Variants in MTHFD1L observed in about 807,000 individuals in gnomAD.
MTHFD1L encodes the protein methylenetetrahydrofolate dehydrogenase (NADP+ dependent) 1 like.
In MTHFD1L, 81 loss-of-function variants were observed where a neutral mutation model predicts 119.5. That is an observed-to-expected ratio of 0.68 (90% CI 0.57 to 0.82). The LOEUF (loss-of-function observed/expected upper bound fraction) is 0.82. Ranked by LOEUF, MTHFD1L falls within the 40% of genes least tolerant of loss-of-function variation. The pLI is 0.00. For synonymous variants in MTHFD1L, 430 were observed against 475.2 expected (o/e 0.90, Z 1.24); for missense variants, 1,125 against 1,253.4 (o/e 0.90, Z 1.55).
intron 26 of MTHFD1L, among the ~76,000 whole-genome samples, chr6:151,069,251 T>TTCTTTCTCTC (rs1554297593): frequency 4.2e-4 from 57 of 136,682 alleles, no homozygotes; most frequent in African/African-American, 1.5e-3. Context: ...TTCTCTCTCT[T>TTCTTTCTCTC]TCTCTCTCTC....
chr6:150,890,519 C>A (rs572288045), intron 7 of MTHFD1L, among the ~76,000 whole-genome samples: 7 of 152,248 alleles, frequency 4.6e-5, no homozygotes, highest in African/African-American at 1.7e-4. Flanking sequence ...TCTTCTGGAG[C>A]TTGATGACCA....
At chr6:151,029,694 G>A (rs1339282902) in intron 24 of MTHFD1L, among the ~76,000 whole-genome samples, 1 of 152,152 alleles carries the variant, frequency 6.6e-6, no homozygotes, top group Non-Finnish European at 1.5e-5. Flanking sequence ...TACTTGGGAG[G>A]CTGAGGCAGG....
intron 26 of MTHFD1L, among the ~76,000 whole-genome samples, chr6:151,084,982 AAAAT>A (rs67377370): frequency 0.17 from 22,009 of 128,522 alleles, 1,577 homozygotes; most frequent in African/African-American, 0.2. Flanking sequence ...AAAAAAAAAA[AAAAT>A]ATATATATAT....
At chr6:150,948,988 G>A in intron 15 of MTHFD1L, 43 bp from the exon 16 acceptor site, 1 of 1,526,344 alleles carries the variant, frequency 6.6e-7, no homozygotes, top group African/African-American at 1.4e-5. Flanking sequence ...TTTGCTTTCT[G>A]TTTCTTCTCA....
At chr6:150,952,425 G>A (rs1179524922) in intron 16 of MTHFD1L, among the ~76,000 whole-genome samples, 1 of 152,258 alleles carries the variant, frequency 6.6e-6, no homozygotes, top group African/African-American at 2.4e-5. Context: ...GAGCAGGACA[G>A]TCAGGGTGCA....
intron 15 of MTHFD1L, among the ~76,000 whole-genome samples, chr6:150,947,919 A>G (rs905134023): frequency 3.3e-5 from 5 of 152,208 alleles, no homozygotes; most frequent in Non-Finnish European, 5.9e-5. Context: ...CTCGTAGAAG[A>G]AATCTGGCCA....
intron 8 of MTHFD1L, chr6:150,913,044 C>G (rs1787205574): frequency 6.4e-6 from 1 of 156,754 alleles, no homozygotes; most frequent in South Asian, 1.9e-4. Context: ...GAGTCTCGCT[C>G]TGTCATCCAG....
At chr6:151,062,306 C>T (rs1170974064) in intron 26 of MTHFD1L, among the ~76,000 whole-genome samples, 4 of 152,076 alleles carry the variant, frequency 2.6e-5, no homozygotes, top group African/African-American at 9.7e-5. Context: ...GGCTTGGTGG[C>T]GTGCACCTGT....
rs1277170637 is a variant in MTHFD1L at position 151,049,754 on chromosome 6, T to G, written c.2847+12637T>G. ...CTCACAGAACTGAGAGAAACACTTATTTACAGAGGTGTTATGATATATATT... is the reference window on the plus strand; with the variant it reads ...CTCACAGAACTGAGAGAAACACTTAGTTACAGAGGTGTTATGATATATATT... On this transcript the variant is annotated intron_variant, in intron 26 of 27. Transcript: ENST00000367321. Among the ~76,000 whole-genome samples the G allele has an allele frequency of 9.9e-5, 15 of 152,234 alleles. No homozygotes were observed. In the East Asian group the frequency reaches 2.7e-3, roughly 27 times the overall value.
At chr6:151,066,358 A>AC (rs1791254378) in intron 26 of MTHFD1L, among the ~76,000 whole-genome samples, 2 of 143,190 alleles carry the variant, frequency 1.4e-5, no homozygotes, top group South Asian at 2.3e-4. Context: ...AATGGTGTGA[A>AC]CCCAGGAGGC....
chr6:150,963,090 A>G (rs1245632651), intron 18 of MTHFD1L, among the ~76,000 whole-genome samples: 6 of 151,188 alleles, frequency 4.0e-5, no homozygotes, highest in Non-Finnish European at 4.4e-5. Context: ...TAATTTTTGT[A>G]TTTTTAGTAG....
chr6:151,001,799 A>G (rs924393300), intron 20 of MTHFD1L, among the ~76,000 whole-genome samples: 3 of 152,094 alleles, frequency 2.0e-5, no homozygotes, highest in African/African-American at 7.2e-5. Context: ...TCTTTGTCAA[A>G]CAGAATACTC....
At chr6:151,014,177 A>T (rs552057241) in intron 22 of MTHFD1L, among the ~76,000 whole-genome samples, 1 of 152,232 alleles carries the variant, frequency 6.6e-6, no homozygotes, top group Admixed American at 6.5e-5. Context: ...ACTGTACTCC[A>T]GCCTGGACGA....
At chr6:151,018,810 C>T (rs909098714) in intron 24 of MTHFD1L, among the ~76,000 whole-genome samples, 8 of 152,016 alleles carry the variant, frequency 5.3e-5, no homozygotes, top group South Asian at 2.1e-4. Context: ...TCAGTGTTTA[C>T]GGAAGGAAGG....
chr6:150,880,998 C>G (rs547447365), intron 4 of MTHFD1L, among the ~76,000 whole-genome samples: 1 of 152,076 alleles, frequency 6.6e-6, no homozygotes, highest in African/African-American at 2.4e-5. Context: ...AACCCCTTGT[C>G]GGACGCATAC....
chr6:151,096,092 G>A (rs529581344), intron 27 of MTHFD1L, among the ~76,000 whole-genome samples: 3 of 152,286 alleles, frequency 2.0e-5, no homozygotes, highest in East Asian at 1.9e-4. Context: ...TCAGTCACGG[G>A]TAAAATGAAC....
intron 16 of MTHFD1L, among the ~76,000 whole-genome samples, chr6:150,951,696 T>A (rs1019032696): frequency 2.0e-5 from 3 of 152,206 alleles, no homozygotes; most frequent in African/African-American, 7.2e-5. Flanking sequence ...ACTTTAAGCA[T>A]TTTATTGAGA....
At chr6:150,990,998 A>G (rs1166269751) in intron 20 of MTHFD1L, among the ~76,000 whole-genome samples, 2 of 152,182 alleles carry the variant, frequency 1.3e-5, no homozygotes, top group Non-Finnish European at 2.9e-5. Flanking sequence ...CTGGGATTAC[A>G]GGCACATGCC....
intron 20 of MTHFD1L, among the ~76,000 whole-genome samples, chr6:150,972,843 G>C (rs551457773): frequency 6.6e-6 from 1 of 151,760 alleles, no homozygotes; most frequent in Admixed American, 6.7e-5. Flanking sequence ...ATGTTAATTG[G>C]TAGTACTGCA....
Sources: allele counts gnomAD v4.1 joint callset (sites outside exome capture counted in the v4.1 genomes callset), GRCh38; gene constraint gnomAD v4.1.1; transcripts MANE v1.5; gene names NCBI Gene and HGNC (gene_info 2026-07-23, HGNC 2026-07-21).